CA12: variants seen among roughly 807,000 people sequenced by gnomAD.
CA12 encodes carbonate dehydratase XII.
In CA12, 36 loss-of-function variants were observed where a neutral mutation model predicts 46.8. The ratio of observed to expected loss-of-function variants is 0.77; its 90% CI spans 0.59 to 1.02. The LOEUF is 1.02. Ranked by LOEUF, CA12 falls within the 50% of genes least tolerant of loss-of-function variation. CA12 has a pLI of 0.00. For missense variants in CA12, 436 were observed against 451.4 expected, an observed-to-expected ratio of 0.97 and a Z score of 0.31; for synonymous variants, 202 against 187.0, an observed-to-expected ratio of 1.08 and a Z score of -0.65.
chr15:63,371,360 C>A (rs898809590), intron 2 of CA12, among the ~76,000 whole-genome samples: 8 of 152,164 alleles, frequency 5.3e-5, no homozygotes, highest in African/African-American at 1.9e-4. Context: ...AAAAGGAATG[C>A]ACAGCACTGC....
rs1328599771 is a variant in CA12, at chr15:63,340,596, T to A, written c.589+124A>T. 26 of 1,395,590 alleles carry A rather than the reference T, an allele frequency of 1.9e-5. No individual in the cohort carries two copies. Among genetic ancestry groups the A allele is most frequent in the Non-Finnish European group, 2.5e-5 (25 of 982,406 alleles). 86.5% of individuals were successfully genotyped at this position (1,395,590 alleles called of 1,614,324 possible). A position where few individuals can be genotyped will look rare whatever the true frequency, so the allele number is the denominator to read the frequency against. On this transcript the variant is annotated intron_variant, in intron 6 of 10. Transcript: ENST00000178638. The surrounding 1 kb of genome is among the most constrained non-coding windows in gnomAD (Gnocchi z 4.4). ...CTGGTTGCAACATTGTTCAACAACC[T>A]GCTGCTCTTAACCTGGTGAACACAG...
chr15:63,338,670 G>C lies in CA12; in HGVS notation c.874+149C>G, dbSNP rs544458677. On this transcript the variant is annotated intron_variant, in intron 8 of 10. Coordinates refer to ENST00000178638, the MANE Select transcript of CA12 (RefSeq NM_001218.5). ...GGGACCCCAGTGAGCCCCACACCTAGTCTCACAAGGCGCCTGGTTCCCGTG... is the reference window on the plus strand; with the variant it reads ...GGGACCCCAGTGAGCCCCACACCTACTCTCACAAGGCGCCTGGTTCCCGTG... 35 of 1,019,016 alleles carry C rather than the reference G, an allele frequency of 3.4e-5. No homozygotes were observed. In the South Asian group the frequency reaches 4.3e-4, roughly 13 times the overall value. 63.1% of individuals were successfully genotyped at this position (1,019,016 alleles called of 1,614,324 possible).
At position 63,321,528 on chromosome 15, in the gene CA12, C is replaced by T. The variant is rs1360582357; in HGVS notation, c.*4757G>A. 6.6e-6 allele frequency: 1 copy of T among 152,278 alleles called. No individual in the cohort carries two copies. The highest frequency in any genetic ancestry group is 2.4e-5 in the African/African-American group (1 of 41,474). 9.4% of individuals were successfully genotyped at this position (152,278 alleles called of 1,614,324 possible). On this transcript the variant is annotated 3_prime_UTR_variant, in exon 11 of 11. Coordinates refer to ENST00000178638, the MANE Select transcript of CA12 (RefSeq NM_001218.5). This position sits in a 1 kb window ranked among gnomAD's most constrained non-coding sequence, Gnocchi z 4.5. ...GTCGGGCCACATACCTTTCCCCTCACATCCTGCGACAGCTGAATCCGAGCC... is the reference window on the plus strand; with the variant it reads ...GTCGGGCCACATACCTTTCCCCTCATATCCTGCGACAGCTGAATCCGAGCC...
chr15:63,375,962 G>A lies in CA12; in HGVS notation c.86-284C>T, dbSNP rs28607041. Among the ~76,000 whole-genome samples, 4,149 of 151,946 alleles carry A rather than the reference G, an allele frequency of 0.027. 172 individuals carry two copies. Among genetic ancestry groups the A allele is most frequent in the African/African-American group, 0.093 (3,843 of 41,376 alleles). ...GTAGCTGGGATTACAGGCACGCACC[G>A]TCACGCCTGGTTAATTTTGTATTTT... On this transcript the variant is annotated intron_variant, in intron 1 of 10. Transcript: ENST00000178638.
At chr15:63,367,410 A>G (rs561975494) in intron 2 of CA12, among the ~76,000 whole-genome samples, 1 of 152,270 alleles carries the variant, frequency 6.6e-6, no homozygotes, top group South Asian at 2.1e-4. Context: ...TCCATTTCTG[A>G]TAGAGTTTCC....
intron 2 of CA12, among the ~76,000 whole-genome samples, chr15:63,347,603 C>G (rs1463111032): frequency 6.6e-6 from 1 of 152,210 alleles, no homozygotes; most frequent in Non-Finnish European, 1.5e-5. Flanking sequence ...AGTTCCTCCC[C>G]TGGAAATGAA....
chr15:63,371,309 C>T (rs556010904), intron 2 of CA12, among the ~76,000 whole-genome samples: 9 of 152,290 alleles, frequency 5.9e-5, no homozygotes, highest in African/African-American at 1.2e-4. Context: ...TTCTTTAAGA[C>T]GGACAATGTA....
chr15:63,367,884 CA>C lies in CA12; in HGVS notation c.106+7773del, dbSNP rs565407896. ...TAGTGCCTAAATTACTTTGTTTTTA[CA>C]TACTTGTGAGAACGACCCAACATCA... On this transcript the variant is annotated intron_variant, in intron 2 of 10. Coordinates refer to ENST00000178638, the MANE Select transcript of CA12 (RefSeq NM_001218.5). Among the ~76,000 whole-genome samples the C allele has an allele frequency of 4.5e-3, 691 of 152,286 alleles. 6 individuals carry two copies. Among genetic ancestry groups the C allele is most frequent in the African/African-American group, 0.016 (664 of 41,548 alleles).
At chr15:63,370,602 G>A (rs977908845) in intron 2 of CA12, among the ~76,000 whole-genome samples, 2 of 151,900 alleles carry the variant, frequency 1.3e-5, no homozygotes, top group South Asian at 2.1e-4. Context: ...GTGAAACCCC[G>A]TCTCTATTAA....
At position 63,330,754 on chromosome 15, in the gene CA12, G is replaced by A. The variant is rs1020997210; in HGVS notation, c.875-2624C>T. On this transcript the variant is annotated intron_variant, in intron 8 of 10. Transcript: ENST00000178638. This position sits in a 1 kb window ranked among gnomAD's most constrained non-coding sequence, Gnocchi z 4.0. The stretch of plus-strand genomic sequence containing the variant: ...TGGAGGGAGAGTCTGGCTTCCCCCG[G>A]TTATTACGCGGGGTTCCTGTTGGAG... Among the ~76,000 whole-genome samples, 2 of 152,174 alleles carry A rather than the reference G, an allele frequency of 1.3e-5. No individual in the cohort carries two copies. The highest frequency in any genetic ancestry group is 1.3e-4 in the Admixed American group (2 of 15,280).
chr15:63,376,562 C>CTTTCTTTCTTTCTTTCTTTCTTTCTTTA (rs1567056964), intron 1 of CA12, among the ~76,000 whole-genome samples: 1 of 104,228 alleles, frequency 9.6e-6, no homozygotes, highest in East Asian at 4.0e-4. Flanking sequence ...TCTTTCCTTT[C>CTTTCTTTCTTTCTTTCTTTCTTTCTTTA]TTTCTTTCTT....
intron 2 of CA12, 102 bp downstream of exon 2, chr15:63,375,555 CT>C (rs1174388889): frequency 1.3e-6 from 1 of 779,400 alleles, no homozygotes; most frequent in Non-Finnish European, 2.2e-6. Context: ...GCTTCCGACC[CT>C]TCAAAATCAC....
At position 63,328,990 on chromosome 15, in the gene CA12, G is replaced by A. The variant is rs1311234346; in HGVS notation, c.875-860C>T. On this transcript the variant is annotated intron_variant, in intron 8 of 10. Coordinates refer to ENST00000178638, the MANE Select transcript of CA12 (RefSeq NM_001218.5). This position sits in a 1 kb window ranked among gnomAD's most constrained non-coding sequence, Gnocchi z 5.9. ...TATGGGGATTACAGGTGTGAGCCAC[G>A]GCGCCCAGCCAAGATTTCAGTTTTT... 2.0e-5 allele frequency among the ~76,000 whole-genome samples: 3 copies of A among 152,140 alleles called. No homozygotes were observed. The highest frequency in any genetic ancestry group is 4.8e-5 in the African/African-American group (2 of 41,436).
At chr15:63,334,051 A>T (rs1325830418) in intron 8 of CA12, among the ~76,000 whole-genome samples, 1 of 152,080 alleles carries the variant, frequency 6.6e-6, no homozygotes, top group Non-Finnish European at 1.5e-5. Flanking sequence ...ACCAAGAACC[A>T]GGCCAAAGCC....
rs893843653 is a variant in CA12, at chr15:63,348,390, G to A, written c.107-1681C>T. Among the ~76,000 whole-genome samples the A allele has an allele frequency of 2.0e-5, 3 of 152,214 alleles. No individual in the cohort carries two copies. Among genetic ancestry groups the A allele is most frequent in the Non-Finnish European group, 4.4e-5 (3 of 68,034 alleles). Reference sequence around the variant, plus strand: ...GCAGGCACTCCAGGGCCAAACTGGAGTAAGACAATTATTCAGCTGGGGGCC... The same window carrying A: ...GCAGGCACTCCAGGGCCAAACTGGAATAAGACAATTATTCAGCTGGGGGCC... On this transcript the variant is annotated intron_variant, in intron 2 of 10. Transcript: ENST00000178638. This position sits in a 1 kb window ranked among gnomAD's most constrained non-coding sequence, Gnocchi z 4.6.
At chr15:63,364,734 T>G (rs888065145) in intron 2 of CA12, among the ~76,000 whole-genome samples, 1 of 152,240 alleles carries the variant, frequency 6.6e-6, no homozygotes, top group African/African-American at 2.4e-5. Context: ...TCACTGTGCA[T>G]GGCCTGTCCT....
Position 63,346,731 on chromosome 15 carries a change from C to T in CA12, c.107-22G>A, listed in dbSNP as rs747466473. ...GGACCTGGACACAGAGATCCATGCT[C>T]AAGATTTAGAGTTTCTCACAAAGGG... On this transcript the variant is annotated intron_variant, in intron 2 of 10. Transcript: ENST00000178638. 8.7e-6 allele frequency: 14 copies of T among 1,613,184 alleles called. No homozygotes were observed. The African/African-American group carries it at 1.3e-4, about 15-fold the overall frequency.
In CA12 at chr15:63,327,262, C is replaced by T; in HGVS notation, c.908-29G>A. The T allele has an allele frequency of 6.3e-7, 1 of 1,582,142 alleles. No individual in the cohort carries two copies. The highest frequency in any genetic ancestry group is 8.7e-7 in the Non-Finnish European group (1 of 1,152,976). The stretch of plus-strand genomic sequence containing the variant: ...GTGAAGAGGTAGAGGGCACACATTA[C>T]ATTCCTTCCTTCCCCTCCATCTTAG... On this transcript the variant is annotated intron_variant, in intron 9 of 10. Transcript: ENST00000178638. This position sits in a 1 kb window ranked among gnomAD's most constrained non-coding sequence, Gnocchi z 4.5.
chr15:63,351,951 G>A (rs1002712883), intron 2 of CA12, among the ~76,000 whole-genome samples: 1 of 152,172 alleles, frequency 6.6e-6, no homozygotes. Flanking sequence ...GATGTGGAGG[G>A]TTTTTTTAAG....
Sources: allele counts gnomAD v4.1 joint callset (sites outside exome capture counted in the v4.1 genomes callset), GRCh38; gene constraint gnomAD v4.1.1; non-coding constraint Gnocchi (gnomAD v3.1); transcripts MANE v1.5; gene names NCBI Gene and HGNC (gene_info 2026-07-23, HGNC 2026-07-21).